MYBL1: variants seen among roughly 807,000 people sequenced by gnomAD.
MYBL1 encodes the protein myb-related protein A.
MYBL1 carries 17 observed loss-of-function variants against 96.3 expected under a neutral mutation model. That is an observed-to-expected ratio of 0.18 (90% CI 0.12 to 0.26). MYBL1 has a LOEUF of 0.26. MYBL1 is among the 10% of genes least tolerant of loss of function. MYBL1 has a pLI of 1.00. For synonymous variants in MYBL1, 282 were observed against 292.7 expected (o/e 0.96, Z 0.37); for missense variants, 701 against 882.9 (o/e 0.79, Z 2.61).
chr8:66,576,387 T>A lies in MYBL1; in HGVS notation c.1102-12A>T. On this transcript the variant is annotated splice_polypyrimidine_tract_variant and intron_variant, in intron 9 of 15. Coordinates refer to ENST00000522677, the MANE Select transcript of MYBL1 (RefSeq NM_001080416.4). ...CATGCTACAGGATCCTGCAATAAATTAAACTGTTAATAAAGTTAATGCTGT... is the reference window on the plus strand; with the variant it reads ...CATGCTACAGGATCCTGCAATAAATAAAACTGTTAATAAAGTTAATGCTGT... The A allele has an allele frequency of 1.3e-6, 2 of 1,585,696 alleles. No individual in the cohort carries two copies. The highest frequency in any genetic ancestry group is 2.3e-5 in the South Asian group (2 of 85,770).
At chr8:66,576,494 T>C (rs1808953514) in intron 9 of MYBL1, 119 bp from the exon 10 acceptor site, 6 of 1,204,018 alleles carry the variant, frequency 5.0e-6, no homozygotes, top group Non-Finnish European at 5.7e-6. Context: ...GTAAAAATGC[T>C]TTCCTTGGAC....
chr8:66,606,143 G>T (rs1810304343), intron 1 of MYBL1, among the ~76,000 whole-genome samples: 1 of 152,204 alleles, frequency 6.6e-6, no homozygotes, highest in African/African-American at 2.4e-5. Context: ...TTTGGAATCA[G>T]AACAAGGTTC....
rs1033437525 is a variant in MYBL1 at position 66,562,325 on chromosome 8, T to C, written c.*2372A>G. 6.6e-6 allele frequency: 1 copy of C among 152,638 alleles called. No homozygotes were observed. Among genetic ancestry groups the C allele is most frequent in the African/African-American group, 2.4e-5 (1 of 41,452 alleles). The allele number at this position is 152,638 out of a possible 1,614,324, so 9.5% of individuals were successfully genotyped here. ...GTGAAAACCTTACAATAAAATGCAG[T>C]ATTATGTATGTGTAGTCAGTTTCCA... On this transcript the variant is annotated 3_prime_UTR_variant, in exon 16 of 16. Coordinates refer to ENST00000522677, the MANE Select transcript of MYBL1 (RefSeq NM_001080416.4).
At chr8:66,582,740 T>C (rs925447903) in intron 8 of MYBL1, among the ~76,000 whole-genome samples, 1 of 141,092 alleles carries the variant, frequency 7.1e-6, no homozygotes, top group Non-Finnish European at 1.6e-5. Context: ...AAAAACCCTA[T>C]AAAAAAAGAC....
intron 11 of MYBL1, 126 bp downstream of exon 11, chr8:66,573,238 A>C (rs937213875): frequency 1.0e-6 from 1 of 965,294 alleles, no homozygotes; most frequent in Non-Finnish European, 1.4e-6. Flanking sequence ...AAAACAAAAC[A>C]AAAAAAATTC....
At chr8:66,568,830 T>A (rs1487342878) in intron 12 of MYBL1, among the ~76,000 whole-genome samples, 5 of 151,294 alleles carry the variant, frequency 3.3e-5, no homozygotes, top group African/African-American at 4.9e-5. Context: ...TTCAAGACCA[T>A]CCTGGCTAAC....
chr8:66,603,143 T>C (rs1212713754), intron 1 of MYBL1, among the ~76,000 whole-genome samples: 1 of 152,146 alleles, frequency 6.6e-6, no homozygotes, highest in Non-Finnish European at 1.5e-5. Context: ...ATTTGACCTT[T>C]ATTCTTTATT....
Position 66,613,197 on chromosome 8 carries a change from C to T in MYBL1, c.-359G>A, listed in dbSNP as rs1014424396. ...CACAGGCGCCCGACCCCTGCCCTCT[C>T]CCCCGCAGCTAGCAGTTCTGCAGGG... On this transcript the variant is annotated 5_prime_UTR_variant, in exon 1 of 16. Coordinates refer to ENST00000522677, the MANE Select transcript of MYBL1 (RefSeq NM_001080416.4). The T allele has an allele frequency of 2.5e-6, 1 of 400,348 alleles. No homozygotes were observed. The highest frequency in any genetic ancestry group is 4.4e-6 in the Non-Finnish European group (1 of 226,182). 24.8% of individuals were successfully genotyped at this position (400,348 alleles called of 1,614,324 possible).
At chr8:66,581,067 G>T (rs1348442703) in intron 8 of MYBL1, among the ~76,000 whole-genome samples, 3 of 151,932 alleles carry the variant, frequency 2.0e-5, no homozygotes, top group Non-Finnish European at 4.4e-5. Context: ...TCACCATGTT[G>T]GCCAGGCTGG....
At chr8:66,598,558 T>C (rs184199175) in intron 4 of MYBL1, among the ~76,000 whole-genome samples, 18 of 152,308 alleles carry the variant, frequency 1.2e-4, no homozygotes, top group Admixed American at 9.2e-4. Flanking sequence ...AACTTCATAG[T>C]ACAAACAATG....
chr8:66,574,778 G>A (rs1808868049), intron 10 of MYBL1, among the ~76,000 whole-genome samples: 1 of 152,236 alleles, frequency 6.6e-6, no homozygotes, highest in Non-Finnish European at 1.5e-5. Flanking sequence ...TTGGAGGCTG[G>A]GAGCAGTGGC....
In MYBL1 at chr8:66,594,339, C is replaced by T. The variant is rs1809769663; in HGVS notation, c.688-1145G>A. Among the ~76,000 whole-genome samples the T allele has an allele frequency of 3.9e-5, 6 of 152,206 alleles. No individual in the cohort carries two copies. The South Asian group carries it at 1.2e-3, about 32-fold the overall frequency. On this transcript the variant is annotated intron_variant, in intron 6 of 15. Transcript: ENST00000522677. Reference sequence around the variant, plus strand: ...GAATTAGAAACGTATCTTTCCCAAACTTTTCATGAAAATCTGTGACAGTAT... The same window carrying T: ...GAATTAGAAACGTATCTTTCCCAAATTTTTCATGAAAATCTGTGACAGTAT...
At chr8:66,582,694 G>C (rs1386716324) in intron 8 of MYBL1, among the ~76,000 whole-genome samples, 1 of 148,618 alleles carries the variant, frequency 6.7e-6, no homozygotes, top group South Asian at 2.1e-4. Flanking sequence ...TTTCAGCCTG[G>C]GGGGACGGAG....
chr8:66,599,526 C>T (rs533165654), intron 3 of MYBL1, among the ~76,000 whole-genome samples: 7 of 152,208 alleles, frequency 4.6e-5, no homozygotes, highest in East Asian at 1.9e-4. Flanking sequence ...TAGTGCCAGG[C>T]GCAGTGGCTC....
chr8:66,575,477 C>T (rs1035175801), intron 10 of MYBL1, among the ~76,000 whole-genome samples: 10 of 152,032 alleles, frequency 6.6e-5, no homozygotes, highest in African/African-American at 2.2e-4. Flanking sequence ...AAGAAAATGT[C>T]CCTCTAAAAA....
intron 14 of MYBL1, 78 bp downstream of exon 14, chr8:66,566,606 C>T: frequency 2.1e-6 from 2 of 940,188 alleles, no homozygotes; most frequent in Non-Finnish European, 3.2e-6. Flanking sequence ...GAACTGGCTA[C>T]ACAATGAGTA....
intron 1 of MYBL1, among the ~76,000 whole-genome samples, chr8:66,611,156 A>G (rs960619553): frequency 6.6e-6 from 1 of 152,174 alleles, no homozygotes; most frequent in Non-Finnish European, 1.5e-5. Flanking sequence ...ATTCGTGTCT[A>G]GCCATAATTT....
intron 8 of MYBL1, among the ~76,000 whole-genome samples, chr8:66,580,624 CT>C (rs1563535477): frequency 6.6e-6 from 1 of 152,132 alleles, no homozygotes; most frequent in Non-Finnish European, 1.5e-5. Flanking sequence ...TAGAATCTGG[CT>C]ACTCCCTTCC....
At chr8:66,571,615 C>T (rs1248723059) in intron 12 of MYBL1, among the ~76,000 whole-genome samples, 1 of 152,176 alleles carries the variant, frequency 6.6e-6, no homozygotes, top group Non-Finnish European at 1.5e-5. Flanking sequence ...GGCGCAGTGG[C>T]TCACTCCTGT....
Sources: gnomAD v4.1 joint callset for allele counts (sites outside exome capture counted in the v4.1 genomes callset) on GRCh38, gnomAD v4.1.1 for gene constraint, MANE v1.5 for transcripts, NCBI Gene and HGNC (gene_info 2026-07-23, HGNC 2026-07-21) for gene names.